CTNND2: variants seen among roughly 807,000 people sequenced by gnomAD.
CTNND2 encodes the protein catenin delta-2.
Under a neutral mutation model 144.4 loss-of-function variants are expected in CTNND2, and 22 were observed. That is an observed-to-expected ratio of 0.15 (90% CI 0.11 to 0.22). CTNND2 has a LOEUF of 0.22. CTNND2 is among the 10% of genes least tolerant of loss of function. The pLI is 1.00. For missense variants in CTNND2, 1,353 were observed against 1,618.8 expected (o/e 0.84, Z 2.82); for synonymous variants, 751 against 695.6 (o/e 1.08, Z -1.25).
At chr5:11,623,287 C>G (rs1780945421) in intron 2 of CTNND2, among the ~76,000 whole-genome samples, 1 of 152,076 alleles carries the variant, frequency 6.6e-6, no homozygotes, top group African/African-American at 2.4e-5. Context: ...ATAATTCCTA[C>G]TTGTTACGAG....
At chr5:11,200,825 T>C (rs1236867734) in intron 10 of CTNND2, among the ~76,000 whole-genome samples, 3 of 152,162 alleles carry the variant, frequency 2.0e-5, no homozygotes, top group African/African-American at 4.8e-5. Flanking sequence ...ACTATAGGCG[T>C]CCGCCACCAC....
At chr5:11,521,475 T>C (rs1581400851) in intron 3 of CTNND2, among the ~76,000 whole-genome samples, 1 of 152,154 alleles carries the variant, frequency 6.6e-6, no homozygotes, top group African/African-American at 2.4e-5. Flanking sequence ...CCAGGTGAAA[T>C]ATTTAGCACA....
At chr5:11,144,692 G>T (rs548451765) in intron 12 of CTNND2, among the ~76,000 whole-genome samples, 1 of 152,086 alleles carries the variant, frequency 6.6e-6, no homozygotes, top group Non-Finnish European at 1.5e-5. Context: ...TTTCTCTCAA[G>T]GGACCGCCGT....
rs145077019 is a variant in CTNND2, at chr5:11,885,056, A to C, written c.37+18761T>G. Among the ~76,000 whole-genome samples the C allele has an allele frequency of 7.7e-4, 117 of 152,288 alleles. 1 individual carries two copies. The highest frequency in any genetic ancestry group is 2.8e-3 in the African/African-American group (115 of 41,570). ...CACTTTTGGATGTGCTTCTGAATTC[A>C]GTATGCTAGTATTCTGTTGAGGATT... On this transcript the variant is annotated intron_variant, in intron 1 of 21. Coordinates refer to ENST00000304623, the MANE Select transcript of CTNND2 (RefSeq NM_001332.4).
At chr5:11,442,864 T>C (rs1193747389) in intron 3 of CTNND2, among the ~76,000 whole-genome samples, 3 of 144,744 alleles carry the variant, frequency 2.1e-5, no homozygotes, top group Non-Finnish European at 4.5e-5. Flanking sequence ...GATTATATTA[T>C]AATTATTATA....
intron 1 of CTNND2, among the ~76,000 whole-genome samples, chr5:11,790,193 A>T (rs1256513588): frequency 2.6e-5 from 4 of 152,202 alleles, no homozygotes; most frequent in Non-Finnish European, 5.9e-5. Flanking sequence ...CTTATCTAAA[A>T]ATTAAATTTC....
intron 3 of CTNND2, among the ~76,000 whole-genome samples, chr5:11,477,750 A>C (rs1767892635): frequency 6.6e-6 from 1 of 152,028 alleles, no homozygotes; most frequent in Non-Finnish European, 1.5e-5. Flanking sequence ...ACTCTTTCCA[A>C]ATGTGTCCCT....
intron 11 of CTNND2, among the ~76,000 whole-genome samples, chr5:11,179,169 T>C (rs1468954030): frequency 1.3e-5 from 2 of 151,680 alleles, no homozygotes; most frequent in Non-Finnish European, 2.9e-5. Context: ...GCAGGTGCCC[T>C]GTAGTCTCAG....
intron 16 of CTNND2, among the ~76,000 whole-genome samples, chr5:11,034,218 T>C (rs1395964070): frequency 2.6e-5 from 4 of 152,234 alleles, no homozygotes; most frequent in Admixed American, 2.6e-4. Context: ...ATTAGGTTTG[T>C]TTCCTCAATT....
intron 7 of CTNND2, among the ~76,000 whole-genome samples, chr5:11,380,690 G>A (rs748948067): frequency 3.9e-5 from 6 of 152,170 alleles, no homozygotes; most frequent in Non-Finnish European, 8.8e-5. Context: ...TGTTTTCCCA[G>A]AGAGTCAGAA....
intron 1 of CTNND2, among the ~76,000 whole-genome samples, chr5:11,847,076 T>G (rs1457585168): frequency 6.8e-6 from 1 of 146,910 alleles, no homozygotes; most frequent in Non-Finnish European, 1.5e-5. Flanking sequence ...GATCTAGCAA[T>G]CTCATTACTG....
intron 2 of CTNND2, among the ~76,000 whole-genome samples, chr5:11,647,181 T>C (rs1188748080): frequency 6.6e-6 from 1 of 152,146 alleles, no homozygotes; most frequent in South Asian, 2.1e-4. Flanking sequence ...ATGGTGTATT[T>C]AAAAACTCAG....
At chr5:11,027,161 C>G (rs1742930590) in intron 16 of CTNND2, 2 of 152,156 alleles carry the variant, frequency 1.3e-5, no homozygotes, top group African/African-American at 4.8e-5. Context: ...TACCAACGAT[C>G]CACTATCATG....
chr5:11,758,990 G>C (rs1789104133), intron 1 of CTNND2, among the ~76,000 whole-genome samples: 1 of 151,786 alleles, frequency 6.6e-6, no homozygotes, highest in Non-Finnish European at 1.5e-5. Flanking sequence ...TCAATTATAA[G>C]TGCTCAAAAA....
chr5:10,987,590 G>C (rs150847612), intron 20 of CTNND2, among the ~76,000 whole-genome samples: 1 of 151,962 alleles, frequency 6.6e-6, no homozygotes, highest in Non-Finnish European at 1.5e-5. Context: ...TATCTCAACA[G>C]CAGTTTCATG....
chr5:11,691,440 T>G (rs2126649505), intron 2 of CTNND2, among the ~76,000 whole-genome samples: 1 of 151,914 alleles, frequency 6.6e-6, no homozygotes, highest in African/African-American at 2.4e-5. Flanking sequence ...TATGTCTGGC[T>G]AACAGAGCAT....
intron 9 of CTNND2, among the ~76,000 whole-genome samples, chr5:11,300,348 G>A (rs1480892277): frequency 6.6e-6 from 1 of 152,160 alleles, no homozygotes; most frequent in Non-Finnish European, 1.5e-5. Flanking sequence ...CCAAGCAAAG[G>A]AAACTATTCT....
intron 3 of CTNND2, among the ~76,000 whole-genome samples, chr5:11,516,070 C>T (rs115894497): frequency 0.014 from 2,155 of 152,040 alleles, 55 homozygotes; most frequent in African/African-American, 0.05. Context: ...ATGCACACTG[C>T]ACTCCAGTCT....
intron 18 of CTNND2, among the ~76,000 whole-genome samples, chr5:11,017,188 C>A (rs1361520468): frequency 1.3e-5 from 2 of 151,992 alleles, no homozygotes; most frequent in African/African-American, 4.8e-5. Context: ...CCCTCCTAAC[C>A]AAAAAGGAAA....
Sources: allele counts gnomAD v4.1 joint callset (sites outside exome capture counted in the v4.1 genomes callset), GRCh38; gene constraint gnomAD v4.1.1; transcripts MANE v1.5; gene names NCBI Gene and HGNC (gene_info 2026-07-23, HGNC 2026-07-21).